POLR1A: variants seen among roughly 807,000 people sequenced by gnomAD.
POLR1A encodes the protein DNA-directed RNA polymerase I subunit RPA1.
In POLR1A, 84 loss-of-function variants were observed where a neutral mutation model predicts 205.3. The observed-to-expected ratio is 0.41, with a 90% CI of 0.34 to 0.49. The LOEUF is 0.49. Among genes scored for constraint, POLR1A ranks in the 20% least tolerant of loss-of-function variants. POLR1A has a pLI of 0.22. For synonymous variants in POLR1A, 799 were observed against 863.7 expected (o/e 0.93, Z 1.31); for missense variants, 1,645 against 2,204.5 (o/e 0.75, Z 5.08).
chr2:86,036,348 G>A (rs1226618504), intron 27 of POLR1A, among the ~76,000 whole-genome samples: 1 of 152,176 alleles, frequency 6.6e-6, no homozygotes, highest in African/African-American at 2.4e-5. Flanking sequence ...CATGTGATGG[G>A]TGCCAGTGCA....
chr2:86,061,620 G>A (rs987400980), intron 14 of POLR1A, among the ~76,000 whole-genome samples: 1 of 152,198 alleles, frequency 6.6e-6, no homozygotes, highest in Admixed American at 6.5e-5. Context: ...GGTAAGTGAA[G>A]ACAACTCAAA....
At chr2:86,062,031 T>C (rs1673008457) in intron 14 of POLR1A, among the ~76,000 whole-genome samples, 1 of 152,130 alleles carries the variant, frequency 6.6e-6, no homozygotes, top group Non-Finnish European at 1.5e-5. Flanking sequence ...GGTTTGTAAA[T>C]AGAAAATCAA....
intron 21 of POLR1A, 93 bp from the exon 22 acceptor site, chr2:86,044,397 G>C: frequency 7.3e-7 from 1 of 1,366,136 alleles, no homozygotes; most frequent in South Asian, 1.2e-5. Context: ...GGGAGGGAAA[G>C]GGGGGCTCCT....
At chr2:86,037,119 C>G (rs1371631115) in intron 27 of POLR1A, 1 of 152,366 alleles carries the variant, frequency 6.6e-6, no homozygotes, top group African/African-American at 2.4e-5. Context: ...CAAACGCCCC[C>G]TGCACTTGGT....
At position 86,081,671 on chromosome 2, in the gene POLR1A, C is replaced by T; in HGVS notation, c.853G>A (p.Asp285Asn). Residue 285 changes from aspartate (D) to asparagine (N), a missense_variant, in exon 8 of 34, where the codon GAT becomes AAT. Physicochemically the swap from Asp to Asn is conservative, Grantham distance 23 (BLOSUM62 1). Coordinates refer to ENST00000263857, the MANE Select transcript of POLR1A (RefSeq NM_015425.6). ...FLNYLFSGMD[D>N]DGMESRFNPS... ...TTGAATCTGGATTCCATACCATCAT[C>T]ATCCATTCCCGAAAAAAGGTAGTTC... is the stretch of plus-strand genomic sequence containing the variant. The T allele has an allele frequency of 6.2e-7, 1 of 1,612,426 alleles. No individual in the cohort carries two copies. Among genetic ancestry groups the T allele is most frequent in the Non-Finnish European group, 8.5e-7 (1 of 1,179,350 alleles).
chr2:86,078,802 CT>C (rs1179249698), intron 9 of POLR1A, among the ~76,000 whole-genome samples: 1 of 152,208 alleles, frequency 6.6e-6, no homozygotes, highest in African/African-American at 2.4e-5. Flanking sequence ...AGATGTGGGT[CT>C]CCAGCTGAGC....
At chr2:86,105,114 G>A (rs1423645202) in intron 1 of POLR1A, among the ~76,000 whole-genome samples, 1 of 152,204 alleles carries the variant, frequency 6.6e-6, no homozygotes, top group Non-Finnish European at 1.5e-5. Context: ...GAGGAAGAGA[G>A]GGAGGTAGAA....
intron 9 of POLR1A, among the ~76,000 whole-genome samples, chr2:86,080,268 C>T (rs1437277824): frequency 6.6e-6 from 1 of 152,136 alleles, no homozygotes; most frequent in Non-Finnish European, 1.5e-5. Flanking sequence ...TACTAATTAA[C>T]CCGGCACACA....
chr2:86,100,841 G>A (rs373082468), intron 1 of POLR1A, among the ~76,000 whole-genome samples: 43 of 152,164 alleles, frequency 2.8e-4, no homozygotes, highest in African/African-American at 9.9e-4. Flanking sequence ...ATGCCTGGCC[G>A]CATTATTTAG....
At chr2:86,097,226 A>C (rs1673721206) in intron 3 of POLR1A, among the ~76,000 whole-genome samples, 1 of 143,992 alleles carries the variant, frequency 6.9e-6, no homozygotes, top group African/African-American at 2.6e-5. Flanking sequence ...AAAAAAAAAA[A>C]AAAAAAAAAA....
chr2:86,097,589 C>T (rs993338349), intron 3 of POLR1A, among the ~76,000 whole-genome samples: 4 of 152,096 alleles, frequency 2.6e-5, no homozygotes, highest in African/African-American at 9.7e-5. Context: ...CTGTCATTTG[C>T]AACAACATAG....
intron 14 of POLR1A, among the ~76,000 whole-genome samples, chr2:86,054,978 A>G (rs540688688): frequency 1.3e-5 from 2 of 152,302 alleles, no homozygotes; most frequent in South Asian, 2.1e-4. Context: ...GTGTGCCTGC[A>G]GCAGGCCCCA....
Position 86,057,436 on chromosome 2 carries a change from A to G in POLR1A, c.2059-3147T>C, listed in dbSNP as rs573463476. Among the ~76,000 whole-genome samples, 14 of 152,378 alleles carry G rather than the reference A, an allele frequency of 9.2e-5. No individual in the cohort carries two copies. In the East Asian group the frequency reaches 2.7e-3, roughly 29 times the overall value. ...GAAAAGTTGAATATAGAATTACTAT[A>G]TGATGCAGCAATTCTACTTCTAGGT... On this transcript the variant is annotated intron_variant, in intron 14 of 33. Coordinates refer to ENST00000263857, the MANE Select transcript of POLR1A (RefSeq NM_015425.6).
chr2:86,028,279 G>A lies in POLR1A; in HGVS notation c.4898-230C>T, dbSNP rs1389661752. On this transcript the variant is annotated intron_variant, in intron 32 of 33. Coordinates refer to ENST00000263857, the MANE Select transcript of POLR1A (RefSeq NM_015425.6). This position sits in a 1 kb window ranked among gnomAD's most constrained non-coding sequence, Gnocchi z 4.5. ...GCTTCCTTCCAGCAGCACAGGAAAT[G>A]AGGATCTAACCGCACTGTTTTCACT... Among the ~76,000 whole-genome samples, 1 of 152,194 alleles carries A rather than the reference G, an allele frequency of 6.6e-6. No homozygotes were observed. The highest frequency in any genetic ancestry group is 1.5e-5 in the Non-Finnish European group (1 of 68,038).
chr2:86,070,305 G>A lies in POLR1A; in HGVS notation c.1612-33C>T. The A allele has an allele frequency of 6.4e-7, 1 of 1,568,656 alleles. No individual in the cohort carries two copies. The highest frequency in any genetic ancestry group is 8.7e-7 in the Non-Finnish European group (1 of 1,152,814). Reference sequence around the variant, plus strand: ...CAGAGTGGACAGGTGGGTGATCAGTGCAAACGTCAGTATCACCACGGCTCT... The same window carrying A: ...CAGAGTGGACAGGTGGGTGATCAGTACAAACGTCAGTATCACCACGGCTCT... On this transcript the variant is annotated intron_variant, in intron 12 of 33. Transcript: ENST00000263857. The surrounding 1 kb of genome is among the most constrained non-coding windows in gnomAD (Gnocchi z 4.4).
In POLR1A at chr2:86,022,468, A is replaced by T. The variant is rs1474171167; in HGVS notation, c.*4955T>A. 1 of 152,148 alleles carries T rather than the reference A, an allele frequency of 6.6e-6. No individual in the cohort carries two copies. The highest frequency in any genetic ancestry group is 1.9e-4 in the East Asian group (1 of 5,190). The allele number at this position is 152,148 out of a possible 1,614,324, so 9.4% of individuals were successfully genotyped here. ...GTGGTGACGGTGGCTGTGCATTTCC[A>T]CAATTTAGGGCTTTTTCTGTCCGTG... is the stretch of plus-strand genomic sequence containing the variant. On this transcript the variant is annotated 3_prime_UTR_variant, in exon 34 of 34. Transcript: ENST00000263857.
chr2:86,060,845 C>A (rs1366911685), intron 14 of POLR1A, among the ~76,000 whole-genome samples: 1 of 152,140 alleles, frequency 6.6e-6, no homozygotes, highest in East Asian at 1.9e-4. Context: ...AACTTCTGAT[C>A]ATTAGAAAAC....
At chr2:86,078,058 C>T in intron 10 of POLR1A, 56 bp downstream of exon 10, 1 of 1,612,390 alleles carries the variant, frequency 6.2e-7, no homozygotes. Flanking sequence ...TTTCAATACA[C>T]AATGTTTATT....
At chr2:86,045,231 A>C in intron 21 of POLR1A, 47 bp downstream of exon 21, 1 of 1,181,296 alleles carries the variant, frequency 8.5e-7, no homozygotes. Flanking sequence ...TGATGGCAGG[A>C]AGGGCCCTGG....
Sources: allele counts gnomAD v4.1 joint callset (sites outside exome capture counted in the v4.1 genomes callset), GRCh38; gene constraint gnomAD v4.1.1; non-coding constraint Gnocchi (gnomAD v3.1); transcripts MANE v1.5; gene names NCBI Gene and HGNC (gene_info 2026-07-23, HGNC 2026-07-21).